Variants in GPC5 observed in about 807,000 individuals in gnomAD.
GPC5 encodes glypican-5.
Under a neutral mutation model 53.9 loss-of-function variants are expected in GPC5, and 47 were observed. That is an observed-to-expected ratio of 0.87 (90% CI 0.69 to 1.11). The LOEUF is 1.11. Ranked by LOEUF, GPC5 falls within the 50% of genes most tolerant of loss-of-function variation. The pLI is 0.00. For synonymous variants in GPC5, 286 were observed against 263.3 expected, an observed-to-expected ratio of 1.09 and a Z score of -0.84; for missense variants, 748 against 713.1, an observed-to-expected ratio of 1.05 and a Z score of -0.56.
At chr13:91,758,522 G>A (rs58803517) in intron 5 of GPC5, among the ~76,000 whole-genome samples, 4 of 152,036 alleles carry the variant, frequency 2.6e-5, no homozygotes, top group Non-Finnish European at 4.4e-5. Flanking sequence ...GGGAAATACT[G>A]TTGGAGAAAT....
chr13:92,040,169 A>G (rs117255787), intron 6 of GPC5, among the ~76,000 whole-genome samples: 452 of 152,296 alleles, frequency 3.0e-3, no homozygotes, highest in Non-Finnish European at 4.7e-3. Context: ...TATAACATTG[A>G]TGGGGGAAAA....
chr13:91,473,270 C>T (rs769831208), intron 2 of GPC5, among the ~76,000 whole-genome samples: 5 of 151,978 alleles, frequency 3.3e-5, no homozygotes, highest in Non-Finnish European at 5.9e-5. Context: ...GATTACAGTT[C>T]GAGATGAGAT....
chr13:92,785,201 G>A (rs933375645), intron 7 of GPC5, among the ~76,000 whole-genome samples: 4 of 152,080 alleles, frequency 2.6e-5, no homozygotes, highest in Non-Finnish European at 4.4e-5. Flanking sequence ...GCTTGAACCC[G>A]GGAGGCAGAG....
At chr13:91,999,614 A>G (rs1398860824) in intron 6 of GPC5, among the ~76,000 whole-genome samples, 1 of 152,230 alleles carries the variant, frequency 6.6e-6, no homozygotes, top group African/African-American at 2.4e-5. Context: ...CTCAAACAAC[A>G]TAATCAATAA....
At chr13:92,068,161 CTTG>C (rs1383075066) in intron 6 of GPC5, among the ~76,000 whole-genome samples, 1 of 151,696 alleles carries the variant, frequency 6.6e-6, no homozygotes, top group Non-Finnish European at 1.5e-5. Flanking sequence ...TAGATTGAAC[CTTG>C]TTGTTGCAGG....
intron 5 of GPC5, among the ~76,000 whole-genome samples, chr13:91,784,571 A>G (rs1203152128): frequency 6.6e-6 from 1 of 152,086 alleles, no homozygotes; most frequent in Non-Finnish European, 1.5e-5. Flanking sequence ...CTAAAAATAC[A>G]AAATTAGCCA....
At chr13:91,842,232 G>C (rs1016628734) in intron 5 of GPC5, among the ~76,000 whole-genome samples, 5 of 151,672 alleles carry the variant, frequency 3.3e-5, no homozygotes, top group African/African-American at 7.3e-5. Context: ...CTGATTGATG[G>C]CATAAAAGAA....
chr13:91,441,103 T>C (rs555767790), intron 1 of GPC5, among the ~76,000 whole-genome samples: 49 of 152,332 alleles, frequency 3.2e-4, no homozygotes, highest in Admixed American at 2.0e-3. Context: ...ATCCCCTGCT[T>C]TTTTTCTTCC....
In GPC5 at chr13:91,972,606, G is replaced by A. The variant is rs370018046; in HGVS notation, c.1401+64549G>A. ...GCATGTTTTTGCAGTGGCTGGTACC[G>A]GTTGTTCCTTTCCATGTTTAGTGCT... On this transcript the variant is annotated intron_variant, in intron 6 of 7. Transcript: ENST00000377067. Among the ~76,000 whole-genome samples the A allele has an allele frequency of 2.1e-4, 32 of 152,204 alleles. No homozygotes were observed. In the East Asian group the frequency reaches 5.4e-3, roughly 26 times the overall value.
intron 3 of GPC5, among the ~76,000 whole-genome samples, chr13:91,719,686 G>A (rs1943838031): frequency 1.3e-5 from 2 of 152,128 alleles, no homozygotes. Context: ...AAATTCATTG[G>A]AAAAAGACAG....
rs367962539 is a variant in GPC5, at chr13:91,693,759, G to A, written c.898G>A (p.Glu300Lys). Residue 300 changes from glutamate to lysine, a missense_variant, in exon 3 of 8, where the codon GAA becomes AAA. Transcript: ENST00000377067. The stretch of plus-strand genomic sequence containing the variant: ...CTGGCATGCATATATCCGGTCGTTG[G>A]AAGAACTCTCGGATGCAATGCATGG... ...PHWHAYIRSL[E>K]ELSDAMHGTY... The A allele has an allele frequency of 3.4e-5, 55 of 1,614,024 alleles. No individual in the cohort carries two copies. Among genetic ancestry groups the A allele is most frequent in the African/African-American group, 4.0e-5 (3 of 74,926 alleles).
At position 91,824,815 on chromosome 13, in the gene GPC5, T is replaced by G. The variant is rs2038550790; in HGVS notation, c.1280+68395T>G. Among the ~76,000 whole-genome samples the G allele has an allele frequency of 2.0e-5, 3 of 152,120 alleles. No homozygotes were observed. The South Asian group carries it at 6.2e-4, about 31-fold the overall frequency. On this transcript the variant is annotated intron_variant, in intron 5 of 7. Transcript: ENST00000377067. ...AGATTAAATCCTTAGTATATTTGAA[T>G]GAAACTTTATTAAATAGTTATTATA...
chr13:91,996,315 T>A (rs560946099), intron 6 of GPC5: 2 of 152,390 alleles, frequency 1.3e-5, no homozygotes, highest in African/African-American at 4.8e-5. Context: ...GTTGCAAACA[T>A]CTTCTCTCTA....
chr13:91,718,965 A>C (rs1236326997), intron 3 of GPC5, among the ~76,000 whole-genome samples: 1 of 152,234 alleles, frequency 6.6e-6, no homozygotes, highest in Non-Finnish European at 1.5e-5. Flanking sequence ...AAACTCTTTG[A>C]AGATAAGAAA....
chr13:91,740,533 G>C (rs1051540134), intron 4 of GPC5, among the ~76,000 whole-genome samples: 1 of 152,038 alleles, frequency 6.6e-6, no homozygotes, highest in Non-Finnish European at 1.5e-5. Context: ...TTTTATTTTG[G>C]AGACGTAATT....
Position 92,400,123 on chromosome 13 carries a change from G to T in GPC5, c.1561+255134G>T, listed in dbSNP as rs181537322. On this transcript the variant is annotated intron_variant, in intron 7 of 7. Transcript: ENST00000377067. ...CGTTTTAAAAAGGACTGGAGTAGGA[G>T]AATTGGTGTGGAAGCAATCTTCTTA... Among the ~76,000 whole-genome samples, 429 of 152,280 alleles carry T rather than the reference G, an allele frequency of 2.8e-3. 1 individual carries two copies. Among genetic ancestry groups the T allele is most frequent in the Non-Finnish European group, 4.4e-3 (302 of 68,012 alleles).
At chr13:92,196,246 T>C (rs1398002255) in intron 7 of GPC5, among the ~76,000 whole-genome samples, 4 of 152,142 alleles carry the variant, frequency 2.6e-5, no homozygotes, top group Admixed American at 2.0e-4. Flanking sequence ...AAAATTAATA[T>C]CAATTTTACA....
intron 7 of GPC5, among the ~76,000 whole-genome samples, chr13:92,682,063 G>A (rs1887127469): frequency 6.6e-6 from 1 of 151,742 alleles, no homozygotes; most frequent in Admixed American, 6.6e-5. Context: ...TGCATAGCAT[G>A]CATCTATTTG....
At chr13:92,228,273 A>C (rs1460134132) in intron 7 of GPC5, among the ~76,000 whole-genome samples, 1 of 152,050 alleles carries the variant, frequency 6.6e-6, no homozygotes, top group Admixed American at 6.6e-5. Context: ...TTCTCCAAAG[A>C]GTTGAATGAA....
Sources: allele counts gnomAD v4.1 joint callset (sites outside exome capture counted in the v4.1 genomes callset), GRCh38; gene constraint gnomAD v4.1.1; transcripts MANE v1.5; gene names NCBI Gene and HGNC (gene_info 2026-07-23, HGNC 2026-07-21).